NRXN3: variants seen among roughly 807,000 people sequenced by gnomAD.
The protein encoded by NRXN3 is neurexin 3, also known as neurexin III.
NRXN3 carries 32 observed loss-of-function variants against 137.6 expected under a neutral mutation model. The observed-to-expected ratio is 0.23, with a 90% confidence interval of 0.18 to 0.31. The LOEUF (loss-of-function observed/expected upper bound fraction) is 0.31. Ranked by LOEUF, NRXN3 falls within the 10% of genes least tolerant of loss-of-function variation. NRXN3 has a pLI of 1.00. For missense variants in NRXN3, 1,574 were observed against 2,062.5 expected, an observed-to-expected ratio of 0.76 and a Z score of 4.59; for synonymous variants, 798 against 784.5, an observed-to-expected ratio of 1.02 and a Z score of -0.29.
intron 15 of NRXN3, among the ~76,000 whole-genome samples, chr14:79,181,595 C>T (rs954498590): frequency 1.3e-5 from 2 of 150,432 alleles, no homozygotes; most frequent in African/African-American, 4.9e-5. Context: ...ACACGAGAAT[C>T]GCTTGAACCC....
intron 19 of NRXN3, among the ~76,000 whole-genome samples, chr14:79,737,243 T>G (rs955230461): frequency 6.6e-6 from 1 of 152,240 alleles, no homozygotes. Flanking sequence ...GTGGTTTTGC[T>G]GTTAGGAAAT....
chr14:79,856,550 C>A (rs916728394), intron 20 of NRXN3, among the ~76,000 whole-genome samples: 1 of 151,804 alleles, frequency 6.6e-6, no homozygotes, highest in Non-Finnish European at 1.5e-5. Context: ...TTGGTATTTT[C>A]GTGAACTCTC....
chr14:79,180,158 G>A (rs909187151), intron 15 of NRXN3, among the ~76,000 whole-genome samples: 3 of 151,630 alleles, frequency 2.0e-5, no homozygotes, highest in African/African-American at 7.3e-5. Context: ...TGGCTTATGG[G>A]GTATTGATTG....
chr14:79,627,156 G>A (rs1489268407), intron 16 of NRXN3, among the ~76,000 whole-genome samples: 1 of 152,110 alleles, frequency 6.6e-6, no homozygotes, highest in East Asian at 1.9e-4. Flanking sequence ...ATGAATTTGT[G>A]GACCAGTTGA....
intron 16 of NRXN3, among the ~76,000 whole-genome samples, chr14:79,474,575 G>C (rs907110271): frequency 2.0e-5 from 3 of 152,056 alleles, no homozygotes; most frequent in African/African-American, 4.8e-5. Context: ...CCTTGGTTAG[G>C]TCAATAGGAT....
chr14:79,418,701 C>T (rs1011170455), intron 15 of NRXN3, among the ~76,000 whole-genome samples: 26 of 152,106 alleles, frequency 1.7e-4, no homozygotes, highest in Admixed American at 1.2e-3. Flanking sequence ...AGTTCATAGC[C>T]GTCACAAAAG....
chr14:79,062,972 T>C (rs2099676053), intron 15 of NRXN3, among the ~76,000 whole-genome samples: 1 of 152,074 alleles, frequency 6.6e-6, no homozygotes, highest in African/African-American at 2.4e-5. Context: ...ATTTGTATAG[T>C]ATGTATTTTG....
chr14:79,834,787 T>C (rs1310825026), intron 20 of NRXN3, among the ~76,000 whole-genome samples: 1 of 152,116 alleles, frequency 6.6e-6, no homozygotes, highest in Non-Finnish European at 1.5e-5. Flanking sequence ...GTGGAGCATT[T>C]GTCTTTTCAT....
rs752458757 is a variant in NRXN3, at chr14:79,280,213, C to A, written c.3263-187008C>A. On this transcript the variant is annotated intron_variant, in intron 15 of 20. Coordinates refer to ENST00000335750, the MANE Select transcript of NRXN3 (RefSeq NM_001330195.2). Reference sequence around the variant, plus strand: ...AACTCTTCCTCCTGCTATGATGGGCCCTTGGGCATCATGAACTTCATTACT... The same window carrying A: ...AACTCTTCCTCCTGCTATGATGGGCACTTGGGCATCATGAACTTCATTACT... 2.5e-6 allele frequency: 4 copies of A among 1,582,930 alleles called. No homozygotes were observed. The East Asian group carries it at 6.7e-5, about 27-fold the overall frequency.
intron 10 of NRXN3, among the ~76,000 whole-genome samples, chr14:78,812,410 C>T (rs761267412): frequency 6.6e-6 from 1 of 152,152 alleles, no homozygotes; most frequent in Non-Finnish European, 1.5e-5. Flanking sequence ...AGGTGGAAAG[C>T]CTCGTATCCG....
At position 79,166,222 on chromosome 14, in the gene NRXN3, G is replaced by A. The variant is rs563162052; in HGVS notation, c.3262+178081G>A. Among the ~76,000 whole-genome samples, 7 of 151,922 alleles carry A rather than the reference G, an allele frequency of 4.6e-5. No homozygotes were observed. In the East Asian group the frequency reaches 7.8e-4, roughly 17 times the overall value. On this transcript the variant is annotated intron_variant, in intron 15 of 20. Coordinates refer to ENST00000335750, the MANE Select transcript of NRXN3 (RefSeq NM_001330195.2). Reference sequence around the variant, plus strand: ...TCTGAAATCTTCTTCCCTTTGGTGGGGTAAACACTGCCTAGAATTCTGGAG... The same window carrying A: ...TCTGAAATCTTCTTCCCTTTGGTGGAGTAAACACTGCCTAGAATTCTGGAG...
chr14:79,077,716 G>T (rs190352855), intron 15 of NRXN3, among the ~76,000 whole-genome samples: 9 of 152,204 alleles, frequency 5.9e-5, no homozygotes, highest in South Asian at 2.1e-4. Context: ...TGGTGATGTG[G>T]TATGAGACAT....
chr14:78,899,229 A>G (rs1301998159), intron 10 of NRXN3, among the ~76,000 whole-genome samples: 1 of 152,000 alleles, frequency 6.6e-6, no homozygotes, highest in Non-Finnish European at 1.5e-5. Flanking sequence ...GGAGGGAGCT[A>G]AAAACAAAGG....
At chr14:78,727,046 C>T (rs540697709) in intron 8 of NRXN3, among the ~76,000 whole-genome samples, 6 of 151,248 alleles carry the variant, frequency 4.0e-5, no homozygotes, top group Non-Finnish European at 8.8e-5. Context: ...TAAAACCCTT[C>T]TCTACAATAG....
intron 15 of NRXN3, among the ~76,000 whole-genome samples, chr14:79,217,190 C>A (rs2068680441): frequency 6.7e-6 from 1 of 149,816 alleles, no homozygotes; most frequent in South Asian, 2.1e-4. Flanking sequence ...AGCCAAAGTT[C>A]TATAGGCTGT....
chr14:79,651,780 T>G (rs1047526055), intron 16 of NRXN3, among the ~76,000 whole-genome samples: 1 of 152,150 alleles, frequency 6.6e-6, no homozygotes, highest in Non-Finnish European at 1.5e-5. Context: ...GTGTGCCTCA[T>G]TGAGCTTTGG....
intron 1 of NRXN3, among the ~76,000 whole-genome samples, chr14:78,193,687 G>A (rs1176437225): frequency 1.3e-5 from 2 of 150,968 alleles, no homozygotes; most frequent in Non-Finnish European, 2.9e-5. Context: ...GCTTGAACCT[G>A]GAAGGTGGAA....
intron 15 of NRXN3, chr14:79,279,379 C>T: frequency 2.0e-6 from 2 of 986,254 alleles, no homozygotes; most frequent in Non-Finnish European, 2.4e-6. Flanking sequence ...CCCAACTCCT[C>T]GCTTCACTTC....
chr14:78,207,203 A>G (rs2062283397), intron 1 of NRXN3, among the ~76,000 whole-genome samples: 1 of 152,122 alleles, frequency 6.6e-6, no homozygotes, highest in South Asian at 2.1e-4. Context: ...ACCTAGCCAC[A>G]GATCTACAGG....
Sources: gnomAD v4.1 joint callset for allele counts (sites outside exome capture counted in the v4.1 genomes callset) on GRCh38, gnomAD v4.1.1 for gene constraint, MANE v1.5 for transcripts, NCBI Gene and HGNC (gene_info 2026-07-23, HGNC 2026-07-21) for gene names.